Variants in DGKZ observed in about 807,000 individuals in gnomAD.
DGKZ encodes the protein diacylglycerol kinase zeta.
A neutral mutation model predicts 142.5 loss-of-function variants in DGKZ; 45 were observed. That is an observed-to-expected ratio of 0.32 (90% CI 0.25 to 0.40). The LOEUF is 0.40. Ranked by LOEUF, DGKZ falls within the 10% of genes least tolerant of loss-of-function variation. The probability of loss-of-function intolerance (pLI) is 1.00; values close to 1 mark genes in which losing one functional copy is unlikely to be tolerated. For missense variants in DGKZ, 755 were observed against 1,306.5 expected, an observed-to-expected ratio of 0.58 and a Z score of 6.51; for synonymous variants, 442 against 527.0, an observed-to-expected ratio of 0.84 and a Z score of 2.21.
At chr11:46,338,323 C>T (rs1940109803) in intron 1 of DGKZ, among the ~76,000 whole-genome samples, 1 of 151,804 alleles carries the variant, frequency 6.6e-6, no homozygotes, top group South Asian at 2.1e-4. Flanking sequence ...TGGTTAAATC[C>T]CACCTCTACT....
intron 1 of DGKZ, among the ~76,000 whole-genome samples, chr11:46,350,376 C>G (rs1306860255): frequency 6.6e-6 from 1 of 152,140 alleles, no homozygotes; most frequent in African/African-American, 2.4e-5. Flanking sequence ...TTGTTGCAGC[C>G]TCAGGTAAAA....
chr11:46,344,473 G>A (rs1315234085), upstream of DGKZ, among the ~76,000 whole-genome samples: 1 of 138,368 alleles, frequency 7.2e-6, no homozygotes, highest in Non-Finnish European at 1.5e-5. Context: ...TTTTTTTGGA[G>A]ACAGTGTCTC....
intron 1 of DGKZ, chr11:46,333,543 G>T: frequency 6.8e-7 from 1 of 1,474,468 alleles, no homozygotes; most frequent in Non-Finnish European, 9.2e-7. Context: ...CCTCTTGCAG[G>T]CGTCATTGCA....
At chr11:46,354,352 C>T (rs184929137) in intron 1 of DGKZ, among the ~76,000 whole-genome samples, 4 of 152,244 alleles carry the variant, frequency 2.6e-5, no homozygotes, top group South Asian at 2.1e-4. Context: ...ATACCGGGCT[C>T]ATTTTTTCTT....
chr11:46,372,809 G>A lies in DGKZ; in HGVS notation c.1110G>A (p.Leu370=), dbSNP rs1036216615. 4 of 1,603,914 alleles carry A rather than the reference G, an allele frequency of 2.5e-6. No individual in the cohort carries two copies. In the Admixed American group the frequency reaches 6.8e-5, roughly 27 times the overall value. ...TCTCCACCCTGGACCAGCTACGCCTGAAGCCGCCACCCCCTGTTGCCATCC... is the reference window on the plus strand; with the variant it reads ...TCTCCACCCTGGACCAGCTACGCCTAAAGCCGCCACCCCCTGTTGCCATCC... Residue 370 remains leucine (L), a synonymous_variant, in exon 13 of 31, where the codon CTG becomes CTA. Transcript: ENST00000527911. This position sits in a 1 kb window ranked among gnomAD's most constrained non-coding sequence, Gnocchi z 5.9.
chr11:46,364,915 C>T, intron 1 of DGKZ: 1 of 985,346 alleles, frequency 1.0e-6, no homozygotes, highest in Non-Finnish European at 1.2e-6. Context: ...TAGGATGCAT[C>T]CCCCACCAGT....
chr11:46,369,958 C>T, exon 6 of DGKZ: 1 of 1,613,922 alleles, frequency 6.2e-7, no homozygotes, highest in Non-Finnish European at 8.5e-7. Context: ...TTGTACGGCA[C>T]CACTGGGTAC....
chr11:46,363,979 C>G (rs1313043076), intron 1 of DGKZ, among the ~76,000 whole-genome samples: 1 of 152,212 alleles, frequency 6.6e-6, no homozygotes, highest in Non-Finnish European at 1.5e-5. Flanking sequence ...TTCCCCATCT[C>G]TAGAATGGAG....
intron 1 of DGKZ, among the ~76,000 whole-genome samples, chr11:46,354,123 G>A (rs1345874952): frequency 6.6e-6 from 1 of 152,200 alleles, no homozygotes; most frequent in Non-Finnish European, 1.5e-5. Flanking sequence ...CCCTGAAAGG[G>A]TGAGGGACAG....
rs762898941 is a variant in DGKZ, at chr11:46,367,864, G to C, written c.366+117G>C. On this transcript the variant is annotated intron_variant, in intron 3 of 30. Transcript: ENST00000527911. This position sits in a 1 kb window ranked among gnomAD's most constrained non-coding sequence, Gnocchi z 4.1. ...CCCCTGCTGTGGGCCGCCCCAGGAT[G>C]GTGAGGGGTGCAGGGGCTTTGTCCG... 1 of 1,513,814 alleles carries C rather than the reference G, an allele frequency of 6.6e-7. No homozygotes were observed. The highest frequency in any genetic ancestry group is 1.1e-5 in the South Asian group (1 of 88,406). 93.8% of individuals were successfully genotyped at this position (1,513,814 alleles called of 1,614,324 possible). A position where few individuals can be genotyped will look rare whatever the true frequency, so the allele number is the denominator to read the frequency against.
chr11:46,349,232 GA>G (rs1448135410), intron 1 of DGKZ, among the ~76,000 whole-genome samples: 1 of 152,200 alleles, frequency 6.6e-6, no homozygotes, highest in African/African-American at 2.4e-5. Flanking sequence ...ACAGAGCAGG[GA>G]GTGAAACTTC....
Position 46,374,845 on chromosome 11 carries a change from G to A in DGKZ, c.1598+6G>A, listed in dbSNP as rs749025431. ...GTTTTCCTGAACATCCCCAGGTGAGGAGGGGGCTACCGGAGCTGGGGGGAG... is the reference window on the plus strand; with the variant it reads ...GTTTTCCTGAACATCCCCAGGTGAGAAGGGGGCTACCGGAGCTGGGGGGAG... On this transcript the variant is annotated splice_donor_region_variant and intron_variant, in intron 18 of 30. Coordinates refer to ENST00000527911, the Ensembl canonical transcript of DGKZ. The A allele has an allele frequency of 2.0e-5, 31 of 1,588,088 alleles. No homozygotes were observed. The Admixed American group carries it at 5.3e-4, about 27-fold the overall frequency.
rs753852787 is a variant in DGKZ at position 46,377,211 on chromosome 11, C to T, written c.2341C>T (p.Arg781Trp). ...CACCTCACCCTGCTCACCCACGCCC[C>T]GGTGAGTCCTGGTGTCCCGTCCCTC... The change falls in exon 25 of 31, where the codon CGG becomes TGG. Residue 781 changes from arginine to tryptophan, a missense_variant and splice_region_variant. This residue lies in a region of DGKZ where 87 missense variants were observed against 112.2 expected (regional missense o/e 0.78). Coordinates refer to ENST00000527911, the Ensembl canonical transcript of DGKZ. The T allele has an allele frequency of 3.3e-5, 53 of 1,592,222 alleles. No individual in the cohort carries two copies. The East Asian group carries it at 6.3e-4, about 19-fold the overall frequency.
exon 1 of DGKZ, chr11:46,333,448 G>A: frequency 6.5e-7 from 1 of 1,535,574 alleles, no homozygotes; most frequent in Admixed American, 2.0e-5. Flanking sequence ...GTGGAGGAGC[G>A]TTTCCGCCAG....
At chr11:46,356,969 C>T (rs1201296044) in intron 1 of DGKZ, among the ~76,000 whole-genome samples, 1 of 152,118 alleles carries the variant, frequency 6.6e-6, no homozygotes, top group Non-Finnish European at 1.5e-5. Context: ...GGCTGGGAGG[C>T]CTGTTGCCTG....
Position 46,378,856 on chromosome 11 carries a change from C to T in DGKZ, c.2419-135C>T, listed in dbSNP as rs150701212. The T allele has an allele frequency of 7.9e-4, 1,085 of 1,369,252 alleles. 18 individuals are homozygous for T. In the East Asian group the frequency reaches 0.022, roughly 27 times the overall value. 84.8% of individuals were successfully genotyped at this position (1,369,252 alleles called of 1,614,324 possible). A position where few individuals can be genotyped will look rare whatever the true frequency, so the allele number is the denominator to read the frequency against. On this transcript the variant is annotated intron_variant, in intron 27 of 30. Coordinates refer to ENST00000527911, the Ensembl canonical transcript of DGKZ. ...TGTGCTCCAGAGAGACCCACAGAGG[C>T]AACTCAGGAGTAAGATGTGTGAGCG... is the stretch of plus-strand genomic sequence containing the variant.
At chr11:46,364,837 C>T (rs1250709420) in intron 1 of DGKZ, 8 of 982,062 alleles carry the variant, frequency 8.1e-6, no homozygotes, top group Middle Eastern at 5.3e-4. Flanking sequence ...GACCACAGGG[C>T]TTCTTCTGTC....
chr11:46,377,785 T>G, intron 25 of DGKZ: 1 of 284,036 alleles, frequency 3.5e-6, no homozygotes, highest in Non-Finnish European at 6.7e-6. Context: ...TTGCCACCAC[T>G]GGACTTCTGT....
exon 30 of DGKZ, chr11:46,379,503 G>A (rs772869212): frequency 1.9e-5 from 31 of 1,611,378 alleles, no homozygotes; most frequent in Non-Finnish European, 2.5e-5. Flanking sequence ...AGCGGCCCTG[G>A]GCCAGCGCAC....
Sources: allele counts gnomAD v4.1 joint callset (sites outside exome capture counted in the v4.1 genomes callset), GRCh38; gene constraint gnomAD v4.1.1; regional missense constraint gnomAD v4.1.1; non-coding constraint Gnocchi (gnomAD v3.1); transcripts MANE v1.5; gene names NCBI Gene and HGNC (gene_info 2026-07-23, HGNC 2026-07-21).